Variants in FBXO34 observed in about 807,000 individuals in gnomAD.
The protein encoded by FBXO34 is F-box protein 34.
A neutral mutation model predicts 24.5 loss-of-function variants in FBXO34; 12 were observed. The observed-to-expected ratio is 0.49, with a 90% CI of 0.31 to 0.79. The LOEUF (loss-of-function observed/expected upper bound fraction) is 0.79, where lower values mean the gene tolerates loss of function less well. Among genes scored for constraint, FBXO34 ranks in the 30% least tolerant of loss-of-function variants. FBXO34 has a pLI of 0.04. For missense variants in FBXO34, 823 were observed against 857.7 expected (o/e 0.96, Z 0.51); for synonymous variants, 320 against 311.9 (o/e 1.03, Z -0.27).
chr14:55,282,082 C>T (rs1011971584), intron 1 of FBXO34, among the ~76,000 whole-genome samples: 5 of 140,252 alleles, frequency 3.6e-5, no homozygotes, highest in South Asian at 2.3e-4. Context: ...CTGCAATCTC[C>T]GCCTCCCGGG....
chr14:55,331,281 A>G (rs185612905), intron 1 of FBXO34, among the ~76,000 whole-genome samples: 1 of 152,220 alleles, frequency 6.6e-6, no homozygotes, highest in East Asian at 1.9e-4. Context: ...TTTCTCTGGT[A>G]AAAATATATT....
intron 1 of FBXO34, among the ~76,000 whole-genome samples, chr14:55,322,178 C>T (rs1296787101): frequency 5.3e-5 from 8 of 151,906 alleles, no homozygotes; most frequent in African/African-American, 1.2e-4. Context: ...GGCGTGGTGG[C>T]GGGCGCCTGT....
At chr14:55,354,347 G>T (rs1394644559), downstream of FBXO34, among the ~76,000 whole-genome samples, 1 of 152,152 alleles carries the variant, frequency 6.6e-6, no homozygotes, top group Non-Finnish European at 1.5e-5. Context: ...TAATTGGTTT[G>T]TTATGATTCA....
the FBXO34 span, chr14:55,440,439 T>C: frequency 6.2e-7 from 1 of 1,612,876 alleles, no homozygotes; most frequent in South Asian, 1.1e-5. Flanking sequence ...GTAGGTCTCC[T>C]CCTGCTCCAT....
At chr14:55,369,988 C>CTTCAGGAAGATGGCAT, downstream of FBXO34, 3 of 1,498,556 alleles carry the variant, frequency 2.0e-6, no homozygotes, top group Non-Finnish European at 2.7e-6. Context: ...GAAAATATGC[C>CTTCAGGAAGATGGCAT]ATCTTCCTGA....
At position 55,350,555 on chromosome 14, in the gene FBXO34, A is replaced by G; in HGVS notation, c.165A>G (p.Lys55=). The G allele has an allele frequency of 6.2e-7, 1 of 1,613,476 alleles. No individual in the cohort carries two copies. The highest frequency in any genetic ancestry group is 8.5e-7 in the Non-Finnish European group (1 of 1,179,834). ...SSVFPSASLG[K]ASSRKPFGIL... ...TCTTTCCTTCAGCCTCTCTCGGTAA[A>G]GCATCATCTCGAAAGCCATTTGGGA... Residue 55 remains lysine (K), a synonymous_variant, in exon 2 of 2, where the codon AAA becomes AAG. Coordinates refer to ENST00000313833, the MANE Select transcript of FBXO34 (RefSeq NM_017943.4).
chr14:55,392,574 A>G, the FBXO34 span, among the ~76,000 whole-genome samples: 1 of 150,682 alleles, frequency 6.6e-6, no homozygotes, highest in Non-Finnish European at 1.5e-5. Context: ...GCTTGAGCCC[A>G]GGAGGCAGAG....
At chr14:55,290,552 G>C (rs1211065571) in intron 1 of FBXO34, among the ~76,000 whole-genome samples, 1 of 152,048 alleles carries the variant, frequency 6.6e-6, no homozygotes, top group Admixed American at 6.6e-5. Context: ...CTCTATGTAT[G>C]CTGCCTGTGT....
chr14:55,411,923 C>G, the FBXO34 span: 16 of 1,149,838 alleles, frequency 1.4e-5, no homozygotes, highest in Non-Finnish European at 1.9e-5. Flanking sequence ...GGGATGCCGG[C>G]GAGCCCCCGG....
chr14:55,273,943 CT>C (rs1461771835), intron 1 of FBXO34, among the ~76,000 whole-genome samples: 2 of 152,148 alleles, frequency 1.3e-5, no homozygotes, highest in African/African-American at 2.4e-5. Context: ...ATAGCTGGGA[CT>C]ACCGGTGCGT....
At chr14:55,411,770 C>T in the FBXO34 span, 18 of 1,605,840 alleles carry the variant, frequency 1.1e-5, no homozygotes, top group Non-Finnish European at 1.5e-5. Context: ...CGGCCGGGGC[C>T]CGCAGCCAGG....
intron 1 of FBXO34, among the ~76,000 whole-genome samples, chr14:55,296,358 G>GT (rs930523467): frequency 1.4e-5 from 2 of 146,938 alleles, no homozygotes; most frequent in Admixed American, 1.4e-4. Flanking sequence ...GGGGTAGACA[G>GT]TGGGTAGGTT....
the FBXO34 span, among the ~76,000 whole-genome samples, chr14:55,437,233 T>G: frequency 6.6e-5 from 10 of 152,232 alleles, no homozygotes; most frequent in Non-Finnish European, 1.3e-4. Flanking sequence ...TCCCAGCACT[T>G]TGGAAGGCTG....
chr14:55,271,779 C>G (rs940455625), intron 1 of FBXO34: 28 of 151,032 alleles, frequency 1.9e-4, no homozygotes, highest in African/African-American at 6.8e-4. Flanking sequence ...CCGCGGGCCA[C>G]GGAGGGTCGG....
chr14:55,422,564 T>C, the FBXO34 span, among the ~76,000 whole-genome samples: 20 of 152,224 alleles, frequency 1.3e-4, no homozygotes, highest in African/African-American at 4.8e-4. Flanking sequence ...ATAGCAACTT[T>C]CTGTAGGTGG....
intron 1 of FBXO34, among the ~76,000 whole-genome samples, chr14:55,305,086 T>G (rs1882492730): frequency 2.0e-5 from 3 of 152,216 alleles, no homozygotes. Context: ...TCCTAATTAG[T>G]GATTGGAATT....
At chr14:55,353,783 C>T (rs939494149), downstream of FBXO34, among the ~76,000 whole-genome samples, 1 of 152,180 alleles carries the variant, frequency 6.6e-6, no homozygotes, top group African/African-American at 2.4e-5. Flanking sequence ...ATTTTTGCAA[C>T]CTGTCAGTTC....
the FBXO34 span, among the ~76,000 whole-genome samples, chr14:55,417,390 A>T: frequency 6.6e-6 from 1 of 151,464 alleles, no homozygotes; most frequent in African/African-American, 2.4e-5. Flanking sequence ...TCCTATTAAT[A>T]ATCAATCAAT....
chr14:55,330,429 G>C (rs1440659771), intron 1 of FBXO34, among the ~76,000 whole-genome samples: 2 of 151,868 alleles, frequency 1.3e-5, no homozygotes, highest in African/African-American at 2.4e-5. Flanking sequence ...TCTTTTTGTG[G>C]GTTTTATTTT....
Sources: gnomAD v4.1 joint callset for allele counts (sites outside exome capture counted in the v4.1 genomes callset) on GRCh38, gnomAD v4.1.1 for gene constraint, MANE v1.5 for transcripts, NCBI Gene and HGNC (gene_info 2026-07-23, HGNC 2026-07-21) for gene names.